The following AEBP2 variants were observed in gnomAD, a reference collection of about 807,000 sequenced individuals.
The protein encoded by AEBP2 is AE binding protein 2.
Under a neutral mutation model 50.8 loss-of-function variants are expected in AEBP2, and 10 were observed. The observed-to-expected ratio is 0.20, with a 90% confidence interval of 0.12 to 0.33. AEBP2 has a LOEUF of 0.33. Ranked by LOEUF, AEBP2 falls within the 10% of genes least tolerant of loss-of-function variation. The pLI is 1.00. For missense variants in AEBP2, 570 were observed against 688.0 expected (o/e 0.83, Z 1.92); for synonymous variants, 296 against 261.3 (o/e 1.13, Z -1.28).
intron 1 of AEBP2, chr12:19,457,390 C>T (rs1206119344): frequency 7.7e-6 from 11 of 1,437,618 alleles, no homozygotes; most frequent in Admixed American, 3.5e-5. Flanking sequence ...ATGATAGTCA[C>T]GTAGCACTTG....
At chr12:19,463,966 G>A (rs1448070459) in intron 2 of AEBP2, among the ~76,000 whole-genome samples, 1 of 152,076 alleles carries the variant, frequency 6.6e-6, no homozygotes, top group Admixed American at 6.6e-5. Flanking sequence ...GTGTGTGACC[G>A]AAATTTCTTT....
At chr12:19,466,088 C>T (rs1184560204) in intron 2 of AEBP2, among the ~76,000 whole-genome samples, 3 of 151,886 alleles carry the variant, frequency 2.0e-5, no homozygotes, top group Non-Finnish European at 2.9e-5. Flanking sequence ...GATTACAGGC[C>T]TCTGAGCCAC....
At chr12:19,421,559 C>T (rs573667075) in intron 1 of AEBP2, among the ~76,000 whole-genome samples, 1 of 151,504 alleles carries the variant, frequency 6.6e-6, no homozygotes, top group African/African-American at 2.4e-5. Context: ...GAGGTTGAGG[C>T]TGCAGTAAAC....
In AEBP2 at chr12:19,426,167, C is replaced by T. The variant is rs117986352; in HGVS notation, c.-17+21951C>T. Among the ~76,000 whole-genome samples, 323 of 152,216 alleles carry T rather than the reference C, an allele frequency of 2.1e-3. 5 individuals are homozygous for T. The East Asian group carries it at 0.049, about 23-fold the overall frequency. Reference sequence around the variant, plus strand: ...CCCAGGCTGATCTCAAACTCCGGAGCTCAAGTGATCACCCACTTCAGCCTC... The same window carrying T: ...CCCAGGCTGATCTCAAACTCCGGAGTTCAAGTGATCACCCACTTCAGCCTC... On this transcript the variant is annotated intron_variant, in intron 1 of 3. Coordinates refer to the AEBP2 transcript ENST00000538425.
At chr12:19,488,235 C>T (rs112037767) in intron 3 of AEBP2, among the ~76,000 whole-genome samples, 2,433 of 151,692 alleles carry the variant, frequency 0.016, 69 homozygotes, top group African/African-American at 0.055. Flanking sequence ...GTGGTCCTCC[C>T]ACCTCAGCCT....
intron 3 of AEBP2, among the ~76,000 whole-genome samples, chr12:19,480,841 A>G (rs943602556): frequency 6.6e-6 from 1 of 152,134 alleles, no homozygotes; most frequent in Non-Finnish European, 1.5e-5. Context: ...CTCTTTAGCA[A>G]GGCCAGGGAA....
intron 1 of AEBP2, among the ~76,000 whole-genome samples, chr12:19,442,301 G>A (rs1336746470): frequency 6.6e-6 from 1 of 152,092 alleles, no homozygotes; most frequent in Non-Finnish European, 1.5e-5. Flanking sequence ...CCAGCTACTC[G>A]GGAGGCTGAG....
intron 3 of AEBP2, among the ~76,000 whole-genome samples, chr12:19,486,996 C>T (rs137918357): frequency 3.0e-3 from 456 of 152,156 alleles, no homozygotes; most frequent in Non-Finnish European, 4.6e-3. Flanking sequence ...ATCTCACTGT[C>T]GCTTTAATTT....
Position 19,414,490 on chromosome 12 carries a change from C to G in AEBP2, c.-17+10274C>G, listed in dbSNP as rs563272148. ...TAAGATTTTCAGGGAATAGGCCTGG[C>G]ACTAGGATGAGGTGAGAGAGGCACC... is the stretch of plus-strand genomic sequence containing the variant. On this transcript the variant is annotated intron_variant, in intron 1 of 3. Coordinates refer to the AEBP2 transcript ENST00000538425. Among the ~76,000 whole-genome samples the G allele has an allele frequency of 2.6e-5, 4 of 152,258 alleles. No individual in the cohort carries two copies. The East Asian group carries it at 7.7e-4, about 29-fold the overall frequency.
At chr12:19,430,430 T>C (rs1229977518) in intron 1 of AEBP2, among the ~76,000 whole-genome samples, 2 of 152,208 alleles carry the variant, frequency 1.3e-5, no homozygotes, top group African/African-American at 4.8e-5. Context: ...GCTTTGTTCC[T>C]TTGGCTTAGG....
chr12:19,501,379 A>C (rs1326401985), intron 5 of AEBP2, among the ~76,000 whole-genome samples: 1 of 151,986 alleles, frequency 6.6e-6, no homozygotes, highest in East Asian at 1.9e-4. Context: ...TCACACCTAT[A>C]ATCCTAGTAC....
intron 1 of AEBP2, among the ~76,000 whole-genome samples, chr12:19,451,275 G>A (rs1445174237): frequency 2.0e-5 from 3 of 152,182 alleles, no homozygotes; most frequent in Non-Finnish European, 4.4e-5. Context: ...GCAGCTTAAA[G>A]ACTGGGGACT....
intron 1 of AEBP2, among the ~76,000 whole-genome samples, chr12:19,446,515 G>A (rs897413148): frequency 1.2e-4 from 19 of 152,218 alleles, no homozygotes; most frequent in Admixed American, 5.9e-4. Context: ...AGATCACAAG[G>A]TCAGGAGATC....
At position 19,502,247 on chromosome 12, in the gene AEBP2, C is replaced by T. The variant is rs139940192; in HGVS notation, c.1299+2026C>T. ...CCCTCTAGGTTCAAGCGATCCCCCT[C>T]CCTCAGCCTCCCGAGTAGCCGGATT... On this transcript the variant is annotated intron_variant, in intron 5 of 7. Coordinates refer to ENST00000266508, the MANE Select transcript of AEBP2 (RefSeq NM_153207.5). Among the ~76,000 whole-genome samples, 385 of 152,006 alleles carry T rather than the reference C, an allele frequency of 2.5e-3. 1 individual carries two copies. Among genetic ancestry groups the T allele is most frequent in the African/African-American group, 8.9e-3 (369 of 41,488 alleles).
At chr12:19,516,690 T>C (rs1465533847) in intron 7 of AEBP2, among the ~76,000 whole-genome samples, 1 of 152,126 alleles carries the variant, frequency 6.6e-6, no homozygotes, top group Non-Finnish European at 1.5e-5. Context: ...TCTTAAGATA[T>C]ATTAGGTGCT....
At chr12:19,466,103 C>T (rs1948468214) in intron 2 of AEBP2, among the ~76,000 whole-genome samples, 1 of 152,020 alleles carries the variant, frequency 6.6e-6, no homozygotes, top group South Asian at 2.1e-4. Flanking sequence ...AGCCACCATG[C>T]CTAGCGGGTT....
chr12:19,512,735 G>A (rs754234607), intron 6 of AEBP2, among the ~76,000 whole-genome samples: 1 of 151,776 alleles, frequency 6.6e-6, no homozygotes, highest in Non-Finnish European at 1.5e-5. Context: ...GCTGGGGGAG[G>A]CCGGCAGTTC....
At chr12:19,518,000 A>G (rs562182869) in intron 7 of AEBP2, 87 bp from the exon 8 acceptor site, 17 of 1,214,336 alleles carry the variant, frequency 1.4e-5, no homozygotes, top group Non-Finnish European at 1.7e-5. Flanking sequence ...CATTGCCTGT[A>G]TCTTATTAAT....
chr12:19,499,881 C>G (rs1949040088), intron 4 of AEBP2, among the ~76,000 whole-genome samples: 1 of 152,158 alleles, frequency 6.6e-6, no homozygotes, highest in African/African-American at 2.4e-5. Context: ...TAGAACTTAA[C>G]TCACCAAGGG....
Sources: allele counts gnomAD v4.1 joint callset (sites outside exome capture counted in the v4.1 genomes callset), GRCh38; gene constraint gnomAD v4.1.1; transcripts MANE v1.5; gene names NCBI Gene and HGNC (gene_info 2026-07-23, HGNC 2026-07-21).